Variants in ADAM12 observed in about 807,000 individuals in gnomAD.
ADAM12 encodes disintegrin and metalloproteinase domain-containing protein 12.
Under a neutral mutation model 106.4 loss-of-function variants are expected in ADAM12, and 70 were observed. The ratio of observed to expected loss-of-function variants is 0.66; its 90% confidence interval spans 0.54 to 0.80. The LOEUF (loss-of-function observed/expected upper bound fraction) is 0.80, where lower values mean the gene tolerates loss of function less well. Among genes scored for constraint, ADAM12 ranks in the 30% least tolerant of loss-of-function variants. ADAM12 has a pLI of 0.00. For missense variants in ADAM12, 1,010 were observed against 1,171.9 expected (o/e 0.86, Z 2.02); for synonymous variants, 420 against 433.5 (o/e 0.97, Z 0.39).
At position 126,043,069 on chromosome 10, in the gene ADAM12, C is replaced by T; in HGVS notation, c.2075G>A (p.Ser692Asn). 1.9e-6 allele frequency: 3 copies of T among 1,614,204 alleles called. No homozygotes were observed. The highest frequency in any genetic ancestry group is 2.2e-5 in the East Asian group (1 of 44,880). The change falls in exon 18 of 23, where the codon AGC becomes AAC. Residue 692 changes from serine to asparagine, a missense_variant. Physicochemically the swap from Ser to Asn is conservative, Grantham distance 46 (BLOSUM62 1). Coordinates refer to ENST00000448723, the MANE Select transcript of ADAM12 (RefSeq NM_001288973.2). The surrounding 1 kb of genome is among the most constrained non-coding windows in gnomAD (Gnocchi z 4.1). ...TTGCCGGATGGGGCCGCTGTCTGTGCTTCCTCCAAAGCCAAACTTGTCACA... is the reference window on the plus strand; with the variant it reads ...TTGCCGGATGGGGCCGCTGTCTGTGTTTCCTCCAAAGCCAAACTTGTCACA... ...PFCDKFGFGG[S>N]TDSGPIRQAD...
intron 3 of ADAM12, among the ~76,000 whole-genome samples, chr10:126,188,540 G>C (rs555965626): frequency 6.6e-6 from 1 of 152,200 alleles, no homozygotes; most frequent in African/African-American, 2.4e-5. Context: ...ACAAACAAAG[G>C]CCTTGTCTGT....
chr10:126,278,791 AT>A (rs1959405428), intron 3 of ADAM12, 123 bp downstream of exon 3: 1 of 657,016 alleles, frequency 1.5e-6, no homozygotes. Context: ...TCAAATCCAA[AT>A]TTGGATTACA....
rs530052186 is a variant in ADAM12 at position 126,196,456 on chromosome 10, T to C, written c.261-41151A>G. Among the ~76,000 whole-genome samples, 15 of 152,340 alleles carry C rather than the reference T, an allele frequency of 9.8e-5. No individual in the cohort carries two copies. In the East Asian group the frequency reaches 2.7e-3, roughly 27 times the overall value. On this transcript the variant is annotated intron_variant, in intron 3 of 22. Coordinates refer to ENST00000448723, the MANE Select transcript of ADAM12 (RefSeq NM_001288973.2). ...CTTTGACAGATGCTCACTATAGGTT[T>C]ATGTGAGAGCCATGGCTTTAACTTT... is the stretch of plus-strand genomic sequence containing the variant.
intron 3 of ADAM12, among the ~76,000 whole-genome samples, chr10:126,260,740 G>A (rs1271692267): frequency 6.6e-6 from 1 of 152,170 alleles, no homozygotes; most frequent in African/African-American, 2.4e-5. Context: ...CAGAAGGGGT[G>A]TGCCGTGGCA....
At chr10:126,316,303 T>C (rs1011873859) in intron 2 of ADAM12, among the ~76,000 whole-genome samples, 1 of 152,164 alleles carries the variant, frequency 6.6e-6, no homozygotes, top group African/African-American at 2.4e-5. Flanking sequence ...TATTTGTTGA[T>C]TAAATGAATA....
chr10:126,356,136 C>G (rs1332020389), intron 1 of ADAM12, among the ~76,000 whole-genome samples: 2 of 152,224 alleles, frequency 1.3e-5, no homozygotes, highest in African/African-American at 4.8e-5. Flanking sequence ...GCATACATTT[C>G]TACTGAAGCA....
chr10:126,039,701 C>T (rs1954126020), intron 18 of ADAM12, among the ~76,000 whole-genome samples: 1 of 152,208 alleles, frequency 6.6e-6, no homozygotes, highest in South Asian at 2.1e-4. Flanking sequence ...CACGCAGGTT[C>T]CCTGAGGCGT....
intron 18 of ADAM12, 126 bp from the exon 19 acceptor site, chr10:126,039,555 G>GTGA (rs2133406462): frequency 9.1e-7 from 1 of 1,097,786 alleles, no homozygotes; most frequent in African/African-American, 1.6e-5. Context: ...ACACCCGTGA[G>GTGA]TGATGTACTA....
chr10:126,044,276 G>GT (rs1954256568), intron 17 of ADAM12, among the ~76,000 whole-genome samples: 2 of 128,330 alleles, frequency 1.6e-5, no homozygotes, highest in South Asian at 2.4e-4. Context: ...TCTTTATAAA[G>GT]ATAAAAAAAA....
intron 12 of ADAM12, among the ~76,000 whole-genome samples, chr10:126,070,931 T>C (rs1413413814): frequency 6.6e-6 from 1 of 152,184 alleles, no homozygotes; most frequent in Non-Finnish European, 1.5e-5. Context: ...TTAAGCCCTG[T>C]GCTAGATAAA....
At chr10:126,080,537 AG>A (rs1027915120) in intron 11 of ADAM12, among the ~76,000 whole-genome samples, 4 of 151,774 alleles carry the variant, frequency 2.6e-5, no homozygotes, top group African/African-American at 9.7e-5. Context: ...AGGAAAAAAA[AG>A]TGCTGCTTTC....
intron 6 of ADAM12, among the ~76,000 whole-genome samples, chr10:126,114,223 T>G (rs1409601126): frequency 6.6e-6 from 1 of 152,158 alleles, no homozygotes; most frequent in East Asian, 1.9e-4. Context: ...AGTAAACAAA[T>G]GAGACATTCT....
Position 126,361,285 on chromosome 10 carries a change from GA to G in ADAM12, c.88+26772del, listed in dbSNP as rs1486793816. 3.3e-5 allele frequency among the ~76,000 whole-genome samples: 5 copies of G among 152,124 alleles called. No homozygotes were observed. The East Asian group carries it at 9.7e-4, about 29-fold the overall frequency. On this transcript the variant is annotated intron_variant, in intron 1 of 22. Coordinates refer to ENST00000448723, the MANE Select transcript of ADAM12 (RefSeq NM_001288973.2). ...ATTATAAAATGTTAAATAAACTGAA[GA>G]AAACATAAATAAATGAAAGATAGTC...
At chr10:126,026,722 A>G (rs1392270053) in intron 21 of ADAM12, among the ~76,000 whole-genome samples, 2 of 152,368 alleles carry the variant, frequency 1.3e-5, no homozygotes, top group East Asian at 3.9e-4. Context: ...TTTGAAACTA[A>G]TGAGAACAAA....
chr10:126,369,988 C>T (rs545769368), intron 1 of ADAM12, among the ~76,000 whole-genome samples: 1 of 152,250 alleles, frequency 6.6e-6, no homozygotes, highest in South Asian at 2.1e-4. Flanking sequence ...GTCTGCAGGC[C>T]TTGATGAAGC....
chr10:126,259,182 C>T (rs1958951679), intron 3 of ADAM12, among the ~76,000 whole-genome samples: 1 of 152,116 alleles, frequency 6.6e-6, no homozygotes, highest in Non-Finnish European at 1.5e-5. Flanking sequence ...GCTTACACAG[C>T]TCAGTTCCTA....
chr10:126,091,774 T>C (rs1442125263), intron 11 of ADAM12, among the ~76,000 whole-genome samples: 1 of 152,160 alleles, frequency 6.6e-6, no homozygotes, highest in Non-Finnish European at 1.5e-5. Context: ...TGCCAGAAAA[T>C]ATGCCTTGCT....
intron 5 of ADAM12, among the ~76,000 whole-genome samples, chr10:126,133,839 TTC>T (rs1481186778): frequency 1.3e-5 from 2 of 152,224 alleles, no homozygotes; most frequent in African/African-American, 2.4e-5. Context: ...GCACATGCTC[TTC>T]TCTCTGATAT....
intron 1 of ADAM12, among the ~76,000 whole-genome samples, chr10:126,343,887 G>T (rs1323543815): frequency 6.6e-6 from 1 of 151,754 alleles, no homozygotes; most frequent in Non-Finnish European, 1.5e-5. Flanking sequence ...TTTTTTTCTT[G>T]TAAATTTGAA....
Sources: gnomAD v4.1 joint callset for allele counts (sites outside exome capture counted in the v4.1 genomes callset) on GRCh38, gnomAD v4.1.1 for gene constraint, Gnocchi (gnomAD v3.1) non-coding constraint, MANE v1.5 for transcripts, NCBI Gene and HGNC (gene_info 2026-07-23, HGNC 2026-07-21) for gene names.